DIAPH3: variants seen among roughly 807,000 people sequenced by gnomAD.
DIAPH3 encodes the protein diaphanous related formin 3.
In DIAPH3, 117 loss-of-function variants were observed where a neutral mutation model predicts 144.3. The observed-to-expected ratio is 0.81, with a 90% CI of 0.70 to 0.95. The LOEUF (loss-of-function observed/expected upper bound fraction) is 0.95, where lower values mean the gene tolerates loss of function less well. Ranked by LOEUF, DIAPH3 falls within the 40% of genes least tolerant of loss-of-function variation. The probability of loss-of-function intolerance (pLI) is 0.00; values close to 1 mark genes in which losing one functional copy is unlikely to be tolerated. For missense variants in DIAPH3, 1,421 were observed against 1,412.7 expected, an observed-to-expected ratio of 1.01 and a Z score of -0.09; for synonymous variants, 519 against 488.9, an observed-to-expected ratio of 1.06 and a Z score of -0.81.
chr13:60,120,678 A>G (rs1182273017), intron 2 of DIAPH3, among the ~76,000 whole-genome samples: 2 of 152,224 alleles, frequency 1.3e-5, no homozygotes, highest in Admixed American at 6.5e-5. Flanking sequence ...GCCAGCTGTC[A>G]TGCCATGGAG....
intron 2 of DIAPH3, among the ~76,000 whole-genome samples, chr13:60,124,006 A>T (rs1342443780): frequency 6.6e-6 from 1 of 152,218 alleles, no homozygotes; most frequent in Non-Finnish European, 1.5e-5. Flanking sequence ...ATGATGTATA[A>T]TTTAGCATAT....
intron 3 of DIAPH3, among the ~76,000 whole-genome samples, chr13:60,095,866 T>C (rs1444448425): frequency 6.6e-6 from 1 of 152,144 alleles, no homozygotes; most frequent in Non-Finnish European, 1.5e-5. Context: ...ATTTCTGAAA[T>C]GTAGGTATCC....
intron 3 of DIAPH3, among the ~76,000 whole-genome samples, chr13:60,101,852 C>T (rs2058276879): frequency 6.6e-6 from 1 of 152,146 alleles, no homozygotes; most frequent in Admixed American, 6.5e-5. Context: ...GTAAAAACCT[C>T]CAGTTTCTTG....
At chr13:59,934,968 G>A (rs1566539849) in intron 17 of DIAPH3, among the ~76,000 whole-genome samples, 1 of 152,162 alleles carries the variant, frequency 6.6e-6, no homozygotes. Flanking sequence ...GAAGAGAAAT[G>A]TTTAGTCTCC....
intron 9 of DIAPH3, among the ~76,000 whole-genome samples, chr13:60,004,467 T>C (rs2052735999): frequency 6.6e-6 from 1 of 152,180 alleles, no homozygotes; most frequent in Admixed American, 6.5e-5. Context: ...CTATAGAAAA[T>C]GGTATCTTTT....
intron 9 of DIAPH3, among the ~76,000 whole-genome samples, chr13:60,003,419 C>A (rs1014332513): frequency 6.6e-5 from 10 of 150,718 alleles, no homozygotes; most frequent in Non-Finnish European, 1.2e-4. Context: ...GCTGAGAAAC[C>A]CTGTCTGATG....
chr13:59,810,918 T>C lies in DIAPH3; in HGVS notation c.3033A>G (p.Ala1011=). The C allele has an allele frequency of 2.7e-6, 4 of 1,463,496 alleles. No individual in the cohort carries two copies. The highest frequency in any genetic ancestry group is 3.6e-6 in the Non-Finnish European group (4 of 1,109,506). 90.7% of individuals were successfully genotyped at this position (1,463,496 alleles called of 1,614,324 possible). A position where few individuals can be genotyped will look rare whatever the true frequency, so the allele number is the denominator to read the frequency against. The change falls in exon 25 of 28, where the codon GCA becomes GCG. Residue 1011 remains alanine, a synonymous_variant. Transcript: ENST00000400324. ...CTCTTTTTTTGATATTCTCCTTTAT[T>C]GCTTGCTAAAAAAATTTTGAAAAAT... is the stretch of plus-strand genomic sequence containing the variant. ...LNNFRTTFMQ[A]IKENIKKREA...
At chr13:60,087,832 T>C (rs1594630334) in intron 4 of DIAPH3, among the ~76,000 whole-genome samples, 2 of 151,964 alleles carry the variant, frequency 1.3e-5, no homozygotes, top group African/African-American at 2.4e-5. Flanking sequence ...ATGTTCTAAT[T>C]AAGAATCTTA....
intron 5 of DIAPH3, among the ~76,000 whole-genome samples, chr13:60,039,434 G>A (rs2055471412): frequency 6.6e-6 from 1 of 151,946 alleles, no homozygotes; most frequent in African/African-American, 2.4e-5. Flanking sequence ...TTCCCAAGTG[G>A]CAGGGAGTAC....
intron 25 of DIAPH3, among the ~76,000 whole-genome samples, chr13:59,788,026 C>T (rs1019761384): frequency 6.6e-6 from 1 of 152,154 alleles, no homozygotes; most frequent in African/African-American, 2.4e-5. Flanking sequence ...AACTTCTGTT[C>T]TTCATAAGCT....
At chr13:59,955,107 C>T (rs1450238995) in intron 17 of DIAPH3, among the ~76,000 whole-genome samples, 1 of 150,028 alleles carries the variant, frequency 6.7e-6, no homozygotes, top group Non-Finnish European at 1.5e-5. Context: ...TGTATATATA[C>T]ACACACACTT....
chr13:59,914,219 A>T (rs1437622559), intron 19 of DIAPH3, among the ~76,000 whole-genome samples: 1 of 152,152 alleles, frequency 6.6e-6, no homozygotes, highest in Non-Finnish European at 1.5e-5. Flanking sequence ...AACCAAAATC[A>T]TGATTATTAC....
intron 20 of DIAPH3, among the ~76,000 whole-genome samples, chr13:59,906,309 T>C (rs929788959): frequency 6.6e-6 from 1 of 151,982 alleles, no homozygotes; most frequent in Non-Finnish European, 1.5e-5. Context: ...AGCCAAAAAG[T>C]TTCAGAACAA....
chr13:59,742,874 T>C (rs919885258), intron 27 of DIAPH3, among the ~76,000 whole-genome samples: 1 of 152,148 alleles, frequency 6.6e-6, no homozygotes, highest in African/African-American at 2.4e-5. Context: ...AAATGATAGA[T>C]TTTGGGGTAC....
intron 20 of DIAPH3, among the ~76,000 whole-genome samples, chr13:59,884,557 G>T (rs1277929891): frequency 1.3e-5 from 2 of 151,922 alleles, no homozygotes; most frequent in African/African-American, 4.8e-5. Flanking sequence ...TAAGCAAGAA[G>T]AATGTGAAAA....
intron 3 of DIAPH3, among the ~76,000 whole-genome samples, chr13:60,097,689 G>T (rs1478557570): frequency 6.6e-6 from 1 of 152,118 alleles, no homozygotes; most frequent in African/African-American, 2.4e-5. Context: ...TACCCACTAG[G>T]CATGTAACTT....
At chr13:59,994,785 C>T (rs985329027) in intron 9 of DIAPH3, among the ~76,000 whole-genome samples, 12 of 151,692 alleles carry the variant, frequency 7.9e-5, no homozygotes, top group South Asian at 6.2e-4. Flanking sequence ...AGGGGAGTAA[C>T]GGGAAGAAGT....
At chr13:59,777,220 G>T (rs774872702) in intron 25 of DIAPH3, among the ~76,000 whole-genome samples, 2 of 152,162 alleles carry the variant, frequency 1.3e-5, no homozygotes, top group African/African-American at 2.4e-5. Flanking sequence ...ATAGTGATAT[G>T]TTGAAAAGAC....
At chr13:59,877,162 T>C (rs971970335) in intron 21 of DIAPH3, among the ~76,000 whole-genome samples, 1 of 152,024 alleles carries the variant, frequency 6.6e-6, no homozygotes, top group Admixed American at 6.6e-5. Flanking sequence ...GATACTGAGG[T>C]AAACAAGAGT....
Sources: gnomAD v4.1 joint callset for allele counts (sites outside exome capture counted in the v4.1 genomes callset) on GRCh38, gnomAD v4.1.1 for gene constraint, MANE v1.5 for transcripts, NCBI Gene and HGNC (gene_info 2026-07-23, HGNC 2026-07-21) for gene names.